NAALADL2: variants seen among roughly 807,000 people sequenced by gnomAD.
NAALADL2 encodes N-acetylated alpha-linked acidic dipeptidase like 2, also known as inactive N-acetylated-alpha-linked acidic dipeptidase-like protein 2.
In NAALADL2, 76 loss-of-function variants were observed where a neutral mutation model predicts 87.2. The observed-to-expected ratio is 0.87, with a 90% confidence interval of 0.72 to 1.05. The LOEUF is 1.05. Ranked by LOEUF, NAALADL2 falls within the 50% of genes least tolerant of loss-of-function variation. The pLI is 0.00. For missense variants in NAALADL2, 1,089 were observed against 945.8 expected, an observed-to-expected ratio of 1.15 and a Z score of -1.99; for synonymous variants, 354 against 331.0, an observed-to-expected ratio of 1.07 and a Z score of -0.75.
chr3:174,665,143 G>A (rs1476194853), intron 2 of NAALADL2, among the ~76,000 whole-genome samples: 1 of 152,072 alleles, frequency 6.6e-6, no homozygotes, highest in Non-Finnish European at 1.5e-5. Flanking sequence ...AAATTATACC[G>A]GTTTGAGCCA....
At chr3:175,017,233 A>G (rs1010489949) in intron 1 of NAALADL2, among the ~76,000 whole-genome samples, 1 of 151,852 alleles carries the variant, frequency 6.6e-6, no homozygotes, top group Non-Finnish European at 1.5e-5. Flanking sequence ...CTTATATAGC[A>G]GATTTGTGCC....
At chr3:174,515,297 T>A (rs1719877229) in intron 1 of NAALADL2, among the ~76,000 whole-genome samples, 1 of 152,084 alleles carries the variant, frequency 6.6e-6, no homozygotes, top group African/African-American at 2.4e-5. Context: ...ATTAATAAAA[T>A]CTTGCTTTAA....
At chr3:175,802,820 G>A (rs1417250643) in intron 13 of NAALADL2, among the ~76,000 whole-genome samples, 185 bp from the exon 14 acceptor site, 2 of 151,864 alleles carry the variant, frequency 1.3e-5, no homozygotes, top group African/African-American at 4.8e-5. Context: ...ATCAATATGG[G>A]AAACTATTGG....
intron 3 of NAALADL2, among the ~76,000 whole-genome samples, chr3:174,830,195 C>T (rs1366452974): frequency 7.2e-6 from 1 of 139,508 alleles, no homozygotes; most frequent in Non-Finnish European, 1.5e-5. Flanking sequence ...CTTGCCCATG[C>T]CTATGTCCTG....
At chr3:174,814,306 A>G (rs1328857261) in intron 3 of NAALADL2, among the ~76,000 whole-genome samples, 1 of 151,804 alleles carries the variant, frequency 6.6e-6, no homozygotes, top group Admixed American at 6.6e-5. Context: ...ACAGGGTTTC[A>G]CCTTGTTAGC....
intron 10 of NAALADL2, 36 bp downstream of exon 10, chr3:175,576,223 C>A (rs751577918): frequency 1.3e-6 from 2 of 1,561,368 alleles, no homozygotes; most frequent in Non-Finnish European, 1.8e-6. Flanking sequence ...CACACACACA[C>A]AATATAGTAG....
At chr3:174,953,707 C>CCTA (rs1278341708) in intron 1 of NAALADL2, among the ~76,000 whole-genome samples, 1 of 151,942 alleles carries the variant, frequency 6.6e-6, no homozygotes, top group East Asian at 2.0e-4. Flanking sequence ...TTATCAAGTG[C>CCTA]CTACTGTGTG....
In NAALADL2 at chr3:175,206,660, A is replaced by G. The variant is rs1740969062; in HGVS notation, c.546-27271A>G. Reference sequence around the variant, plus strand: ...AAATCTCACAAATCACCACTAAAGAACTTACTCATGTAACCAAATACCACC... The same window carrying G: ...AAATCTCACAAATCACCACTAAAGAGCTTACTCATGTAACCAAATACCACC... On this transcript the variant is annotated intron_variant, in intron 2 of 13. Transcript: ENST00000454872. Among the ~76,000 whole-genome samples, 3 of 152,064 alleles carry G rather than the reference A, an allele frequency of 2.0e-5. No individual in the cohort carries two copies. In the South Asian group the frequency reaches 6.2e-4, roughly 32 times the overall value.
intron 11 of NAALADL2, among the ~76,000 whole-genome samples, chr3:175,668,706 A>G (rs950751742): frequency 2.6e-5 from 4 of 152,154 alleles, no homozygotes; most frequent in African/African-American, 9.6e-5. Flanking sequence ...TTGCCATCAT[A>G]GCAATATCAG....
intron 1 of NAALADL2, among the ~76,000 whole-genome samples, chr3:174,984,095 A>G (rs7628676): frequency 0.16 from 23,845 of 150,812 alleles, 2,297 homozygotes; most frequent in African/African-American, 0.28. Flanking sequence ...AATTATAAAG[A>G]AGCGCTTGAG....
chr3:175,600,525 CTTTTTTTT>C (rs869212429), intron 10 of NAALADL2, among the ~76,000 whole-genome samples: 542 of 60,954 alleles, frequency 8.9e-3, no homozygotes, highest in African/African-American at 0.03. Context: ...GTGTCTTAGT[CTTTTTTTT>C]TTTTTTTTTT....
At chr3:175,661,913 G>C (rs1405566891) in intron 11 of NAALADL2, among the ~76,000 whole-genome samples, 1 of 151,884 alleles carries the variant, frequency 6.6e-6, no homozygotes, top group African/African-American at 2.4e-5. Flanking sequence ...AGTAATCTTT[G>C]AAGTCAGGAA....
chr3:175,160,391 G>A (rs1342990905), intron 2 of NAALADL2, among the ~76,000 whole-genome samples: 1 of 26,422 alleles, frequency 3.8e-5, no homozygotes, highest in Non-Finnish European at 8.5e-5. Flanking sequence ...TTTTTTTTGA[G>A]TTAGAGGTTT....
intron 5 of NAALADL2, among the ~76,000 whole-genome samples, chr3:175,349,935 A>G (rs1239003051): frequency 2.6e-5 from 4 of 151,872 alleles, no homozygotes; most frequent in Non-Finnish European, 5.9e-5. Flanking sequence ...TTCTACTCTC[A>G]GAAAGACATG....
chr3:174,579,155 A>G (rs532684355), intron 2 of NAALADL2, among the ~76,000 whole-genome samples: 1 of 152,078 alleles, frequency 6.6e-6, no homozygotes, highest in South Asian at 2.1e-4. Context: ...AAGTCTCAGC[A>G]TTTTCTTATA....
intron 11 of NAALADL2, among the ~76,000 whole-genome samples, chr3:175,668,274 T>C (rs1733480670): frequency 6.6e-6 from 1 of 152,194 alleles, no homozygotes; most frequent in South Asian, 2.1e-4. Flanking sequence ...TTAGGGGCTG[T>C]AGCTATCAGA....
At chr3:175,642,131 G>A (rs1182516944) in intron 11 of NAALADL2, among the ~76,000 whole-genome samples, 1 of 152,204 alleles carries the variant, frequency 6.6e-6, no homozygotes. Context: ...GGATAACTAT[G>A]TGTTTAGTTT....
intron 4 of NAALADL2, among the ~76,000 whole-genome samples, chr3:175,319,807 G>A (rs1056061986): frequency 9.9e-5 from 15 of 152,134 alleles, no homozygotes; most frequent in African/African-American, 1.9e-4. Context: ...GCGACAGAGC[G>A]AGACTGTGTT....
chr3:175,560,926 T>G (rs750156385), intron 9 of NAALADL2, among the ~76,000 whole-genome samples: 8 of 152,136 alleles, frequency 5.3e-5, no homozygotes, highest in Non-Finnish European at 8.8e-5. Context: ...AGCCCATAAC[T>G]GAACATTTCT....
Sources: gnomAD v4.1 joint callset for allele counts (sites outside exome capture counted in the v4.1 genomes callset) on GRCh38, gnomAD v4.1.1 for gene constraint, MANE v1.5 for transcripts, NCBI Gene and HGNC (gene_info 2026-07-23, HGNC 2026-07-21) for gene names.